IFT140: variants seen among roughly 807,000 people sequenced by gnomAD.
The protein encoded by IFT140 is intraflagellar transport protein 140 homolog.
A neutral mutation model predicts 164.6 loss-of-function variants in IFT140; 133 were observed. The observed-to-expected ratio is 0.81, with a 90% CI of 0.70 to 0.93. The LOEUF (loss-of-function observed/expected upper bound fraction) is 0.93. IFT140 is among the 40% of genes least tolerant of loss of function. The pLI, the probability that IFT140 is intolerant of heterozygous loss-of-function variation, is 0.00. For synonymous variants in IFT140, 860 were observed against 817.3 expected (o/e 1.05, Z -0.89); for missense variants, 2,045 against 1,972.3 (o/e 1.04, Z -0.70).
intron 19 of IFT140, among the ~76,000 whole-genome samples, chr16:1,550,776 G>A (rs554975227): frequency 6.6e-6 from 1 of 152,232 alleles, no homozygotes; most frequent in Non-Finnish European, 1.5e-5. Context: ...GGGACACAGA[G>A]ATTAATGACT....
chr16:1,575,225 A>T (rs2034214940), intron 13 of IFT140, among the ~76,000 whole-genome samples: 1 of 151,410 alleles, frequency 6.6e-6, no homozygotes. Context: ...TAATAACAAA[A>T]TTAGCCAGGC....
chr16:1,539,196 C>T (rs2031386625), intron 19 of IFT140, among the ~76,000 whole-genome samples: 1 of 147,846 alleles, frequency 6.8e-6, no homozygotes, highest in African/African-American at 2.5e-5. Context: ...TTGGGCCTCA[C>T]CAAGCCACAC....
chr16:1,601,138 C>T (rs147704369), intron 4 of IFT140, among the ~76,000 whole-genome samples: 5 of 151,940 alleles, frequency 3.3e-5, no homozygotes, highest in Admixed American at 6.6e-5. Flanking sequence ...GTGGTGCATG[C>T]GTGTAATCCC....
chr16:1,563,693 C>G (rs989092207), intron 17 of IFT140, among the ~76,000 whole-genome samples: 1 of 152,172 alleles, frequency 6.6e-6, no homozygotes, highest in African/African-American at 2.4e-5. Flanking sequence ...ACGCTGCCAT[C>G]AGTGGGAGCT....
rs1009308764 is a variant in IFT140 at position 1,584,147 on chromosome 16, G to A, written c.1359+70C>T. 34 of 1,418,048 alleles carry A rather than the reference G, an allele frequency of 2.4e-5. 2 individuals carry two copies. The highest frequency in any genetic ancestry group is 4.6e-4 in the Middle Eastern group (2 of 4,336). The allele number at this position is 1,418,048 out of a possible 1,614,324, so 87.8% of individuals were successfully genotyped here. On this transcript the variant is annotated intron_variant, in intron 11 of 30. Coordinates refer to ENST00000426508, the MANE Select transcript of IFT140 (RefSeq NM_014714.4). ...TAACCTGCCATCTGGGGCCCTTGCT[G>A]CCCTGAACTACCTGGCCATGGGGCA...
chr16:1,608,032 A>C lies in IFT140; in HGVS notation c.-31-735T>G, dbSNP rs180772080. On this transcript the variant is annotated intron_variant, in intron 2 of 30. Transcript: ENST00000426508. ...AAAACCAGTACTGAATTTCCAATAA[A>C]GCATAAAATCAAAGACTGTCTTTTA... is the stretch of plus-strand genomic sequence containing the variant. Among the ~76,000 whole-genome samples the C allele has an allele frequency of 3.2e-4, 49 of 152,356 alleles. No homozygotes were observed. The East Asian group carries it at 8.3e-3, about 26-fold the overall frequency.
chr16:1,512,427 C>G (rs568569637), intron 30 of IFT140, among the ~76,000 whole-genome samples: 2 of 152,104 alleles, frequency 1.3e-5, no homozygotes, highest in Admixed American at 1.3e-4. Flanking sequence ...AGCCAGGGAG[C>G]GTGTGCCTGG....
At chr16:1,559,949 C>T (rs1596365221) in intron 18 of IFT140, among the ~76,000 whole-genome samples, 1 of 152,110 alleles carries the variant, frequency 6.6e-6, no homozygotes, top group South Asian at 2.1e-4. Flanking sequence ...TGGACGCATG[C>T]GGGAAGGTGA....
At chr16:1,544,847 A>T (rs1216739089) in intron 19 of IFT140, among the ~76,000 whole-genome samples, 2 of 150,874 alleles carry the variant, frequency 1.3e-5, no homozygotes, top group African/African-American at 2.4e-5. Context: ...ACGGGGTTTC[A>T]CCGTGTTAGC....
chr16:1,601,127 G>A (rs965690870), intron 4 of IFT140, among the ~76,000 whole-genome samples: 1 of 152,070 alleles, frequency 6.6e-6, no homozygotes, highest in Middle Eastern at 3.2e-3. Context: ...AGCTGGGCAT[G>A]GTGGTGCATG....
chr16:1,544,399 A>G (rs1179604885), intron 19 of IFT140, among the ~76,000 whole-genome samples: 1 of 151,494 alleles, frequency 6.6e-6, no homozygotes, highest in Non-Finnish European at 1.5e-5. Flanking sequence ...GTTCGCCAGG[A>G]TGGTCTCGAT....
chr16:1,558,458 T>A (rs1596362970), intron 18 of IFT140, among the ~76,000 whole-genome samples: 1 of 152,248 alleles, frequency 6.6e-6, no homozygotes, highest in Non-Finnish European at 1.5e-5. Context: ...CTGGATTGGC[T>A]GTGTACCCTC....
At chr16:1,511,670 G>A (rs1021482985) in intron 30 of IFT140, among the ~76,000 whole-genome samples, 8 of 152,070 alleles carry the variant, frequency 5.3e-5, no homozygotes, top group African/African-American at 1.7e-4. Flanking sequence ...GTGGACCTGC[G>A]TTTAAGGAAG....
chr16:1,585,151 C>T (rs187315020), intron 10 of IFT140, among the ~76,000 whole-genome samples: 65 of 152,270 alleles, frequency 4.3e-4, no homozygotes, highest in African/African-American at 1.5e-3. Flanking sequence ...CACAAGTGTT[C>T]GTAACAGCAT....
At chr16:1,522,250 G>A (rs556576579) in intron 26 of IFT140, among the ~76,000 whole-genome samples, 6 of 152,276 alleles carry the variant, frequency 3.9e-5, no homozygotes, top group Non-Finnish European at 8.8e-5. Flanking sequence ...CCAGCTACTC[G>A]GGAGGCTGAG....
chr16:1,567,669 C>T lies in IFT140; in HGVS notation c.1770+548G>A, dbSNP rs1008718603. Among the ~76,000 whole-genome samples, 13 of 152,314 alleles carry T rather than the reference C, an allele frequency of 8.5e-5. No homozygotes were observed. The East Asian group carries it at 1.7e-3, about 20-fold the overall frequency. On this transcript the variant is annotated intron_variant, in intron 15 of 30. Coordinates refer to ENST00000426508, the MANE Select transcript of IFT140 (RefSeq NM_014714.4). ...AGATCAGTCACGGCCCTTGAACAAGCGAATGAACAAGGGAACCCGCACCAG... is the reference window on the plus strand; with the variant it reads ...AGATCAGTCACGGCCCTTGAACAAGTGAATGAACAAGGGAACCCGCACCAG...
At chr16:1,536,178 T>G (rs1208798290) in intron 19 of IFT140, among the ~76,000 whole-genome samples, 1 of 152,196 alleles carries the variant, frequency 6.6e-6, no homozygotes, top group Non-Finnish European at 1.5e-5. Context: ...CACCCACAGG[T>G]GGCCCAGGCA....
In IFT140 at chr16:1,582,248, T is replaced by C. The variant is rs565982759; in HGVS notation, c.1432+1066A>G. 2.0e-5 allele frequency among the ~76,000 whole-genome samples: 3 copies of C among 152,192 alleles called. No individual in the cohort carries two copies. The South Asian group carries it at 6.2e-4, about 32-fold the overall frequency. On this transcript the variant is annotated intron_variant, in intron 12 of 30. Coordinates refer to ENST00000426508, the MANE Select transcript of IFT140 (RefSeq NM_014714.4). ...CTTGGGATGGGGAGATTATACTGAGTTATCCAGGTAGGCCCTAAATACACT... is the reference window on the plus strand; with the variant it reads ...CTTGGGATGGGGAGATTATACTGAGCTATCCAGGTAGGCCCTAAATACACT...
chr16:1,611,037 G>T (rs1004227172), intron 1 of IFT140, among the ~76,000 whole-genome samples, 184 bp from the exon 2 acceptor site: 10 of 152,228 alleles, frequency 6.6e-5, no homozygotes, highest in African/African-American at 2.4e-4. Flanking sequence ...CGGCGGTCTC[G>T]GCCCAGGCCT....
Sources: allele counts gnomAD v4.1 joint callset (sites outside exome capture counted in the v4.1 genomes callset), GRCh38; gene constraint gnomAD v4.1.1; transcripts MANE v1.5; gene names NCBI Gene and HGNC (gene_info 2026-07-23, HGNC 2026-07-21).